The following SCD5 variants were observed in gnomAD, a reference collection of about 807,000 sequenced individuals.
SCD5 encodes the protein stearoyl-CoA desaturase 5, also known as acyl-CoA-desaturase 4.
Under a neutral mutation model 30.4 loss-of-function variants are expected in SCD5, and 20 were observed. The ratio of observed to expected loss-of-function variants is 0.66; its 90% confidence interval spans 0.46 to 0.96. The LOEUF is 0.96. Ranked by LOEUF, SCD5 falls within the 40% of genes least tolerant of loss-of-function variation. The probability of loss-of-function intolerance (pLI) is 0.00; values close to 1 mark genes in which losing one functional copy is unlikely to be tolerated. For synonymous variants in SCD5, 173 were observed against 176.4 expected (o/e 0.98, Z 0.16); for missense variants, 381 against 443.3 (o/e 0.86, Z 1.26).
intron 1 of SCD5, among the ~76,000 whole-genome samples, chr4:82,795,999 A>G (rs993618597): frequency 2.4e-4 from 36 of 151,888 alleles, no homozygotes; most frequent in Non-Finnish European, 4.3e-4. Flanking sequence ...GGCCGGGCGC[A>G]GTGGCTCACG....
At chr4:82,721,266 A>G (rs1720364768) in intron 1 of SCD5, among the ~76,000 whole-genome samples, 1 of 152,228 alleles carries the variant, frequency 6.6e-6, no homozygotes, top group African/African-American at 2.4e-5. Flanking sequence ...TTGTAACTGC[A>G]CTGCAATTCA....
rs996465 is a variant in SCD5 at position 82,643,794 on chromosome 4, C to T, written c.570-6971G>A. On this transcript the variant is annotated intron_variant, in intron 3 of 4. Transcript: ENST00000319540. ...CTCAACAATAGAAAGAGCACAGGGG[C>T]AGAAATCATTTCTCTTTCCTGCAGT... 1.3e-5 allele frequency among the ~76,000 whole-genome samples: 2 copies of T among 152,036 alleles called. 1 individual carries two copies. The highest frequency in any genetic ancestry group is 4.1e-4 in the South Asian group (2 of 4,832).
chr4:82,796,234 C>T (rs1175806604), intron 1 of SCD5, among the ~76,000 whole-genome samples: 1 of 150,686 alleles, frequency 6.6e-6, no homozygotes, highest in Non-Finnish European at 1.5e-5. Context: ...CGCACCACTG[C>T]ACTCCAGCCT....
intron 3 of SCD5, among the ~76,000 whole-genome samples, chr4:82,643,528 C>T (rs545895934): frequency 7.2e-5 from 11 of 152,106 alleles, no homozygotes; most frequent in African/African-American, 2.7e-4. Context: ...AAATTCATAG[C>T]GACAGAAAAG....
intron 3 of SCD5, among the ~76,000 whole-genome samples, chr4:82,662,900 T>C (rs1728049073): frequency 6.7e-6 from 1 of 148,776 alleles, no homozygotes; most frequent in African/African-American, 2.5e-5. Flanking sequence ...AATCCTTCAG[T>C]GTTCATGAAA....
intron 3 of SCD5, chr4:82,660,778 T>G: frequency 6.3e-7 from 1 of 1,585,342 alleles, no homozygotes; most frequent in East Asian, 2.3e-5. Flanking sequence ...GCTCTGTCTA[T>G]GCTTCACACC....
chr4:82,636,452 GAA>G (rs36060565), intron 4 of SCD5, 137 bp downstream of exon 4: 1,728 of 546,920 alleles, frequency 3.2e-3, no homozygotes, highest in East Asian at 4.6e-3. Context: ...CTCTATCTCG[GAA>G]AAAAAAAAAA....
chr4:82,786,780 G>A lies in SCD5; in HGVS notation c.232+11526C>T, dbSNP rs185453378. Among the ~76,000 whole-genome samples, 17 of 135,194 alleles carry A rather than the reference G, an allele frequency of 1.3e-4. No individual in the cohort carries two copies. The East Asian group carries it at 2.2e-3, about 18-fold the overall frequency. The allele number at this position is 135,194 out of a possible 152,430, so 88.7% of individuals were successfully genotyped here. ...GCACTCCAGCCTGGGGGACAAGAGC[G>A]AGACTTTGCCTTAAAAAAAAAAAAA... On this transcript the variant is annotated intron_variant, in intron 1 of 4. Coordinates refer to ENST00000319540, the MANE Select transcript of SCD5 (RefSeq NM_001037582.3).
chr4:82,679,713 GCTCTA>G (rs1237120760), intron 3 of SCD5, among the ~76,000 whole-genome samples: 1 of 152,112 alleles, frequency 6.6e-6, no homozygotes, highest in Admixed American at 6.5e-5. Context: ...TTCTCACTAT[GCTCTA>G]CTGCTCCCCT....
At chr4:82,758,233 T>C (rs1721272262) in intron 1 of SCD5, among the ~76,000 whole-genome samples, 1 of 152,112 alleles carries the variant, frequency 6.6e-6, no homozygotes, top group Non-Finnish European at 1.5e-5. Flanking sequence ...GAGGCCAAGA[T>C]GGGAAGATCA....
Position 82,798,715 on chromosome 4 carries a change from C to A in SCD5, c.-178G>T. 1.7e-6 allele frequency: 1 copy of A among 591,942 alleles called. No individual in the cohort carries two copies. Among genetic ancestry groups the A allele is most frequent in the Non-Finnish European group, 2.9e-6 (1 of 347,140 alleles). The allele number at this position is 591,942 out of a possible 1,614,324, so 36.7% of individuals were successfully genotyped here. On this transcript the variant is annotated 5_prime_UTR_variant, in exon 1 of 5. Transcript: ENST00000319540. ...GCTCTTCCCCAGGGTCTTAGCGTGG[C>A]CTAGGGATGCAGATCTTGGCGGCCG... is the stretch of plus-strand genomic sequence containing the variant.
chr4:82,766,038 C>T, intron 1 of SCD5, among the ~76,000 whole-genome samples: 1 of 152,218 alleles, frequency 6.6e-6, no homozygotes, highest in African/African-American at 2.4e-5. Flanking sequence ...CTCTTTATCA[C>T]TGGCTTTAAG....
At chr4:82,668,801 G>T (rs1728244946) in intron 3 of SCD5, among the ~76,000 whole-genome samples, 1 of 152,140 alleles carries the variant, frequency 6.6e-6, no homozygotes, top group Non-Finnish European at 1.5e-5. Flanking sequence ...GGCAGAGCAT[G>T]GTTGTACTTA....
intron 3 of SCD5, chr4:82,659,819 A>G (rs1273048140): frequency 1.3e-5 from 2 of 152,120 alleles, no homozygotes; most frequent in Non-Finnish European, 2.9e-5. Flanking sequence ...TTTCACACAT[A>G]ACAATATTCA....
intron 1 of SCD5, among the ~76,000 whole-genome samples, chr4:82,768,834 G>T (rs1040314122): frequency 3.3e-5 from 5 of 152,092 alleles, no homozygotes; most frequent in African/African-American, 1.2e-4. Context: ...TGAAAGAAGA[G>T]GTGCAGGCAG....
chr4:82,631,927 G>A (rs2148810656), intron 4 of SCD5, among the ~76,000 whole-genome samples: 1 of 152,142 alleles, frequency 6.6e-6, no homozygotes, highest in South Asian at 2.1e-4. Context: ...ATTCAAATAG[G>A]TAAGTAAATT....
chr4:82,752,092 A>C (rs913632721), intron 1 of SCD5, among the ~76,000 whole-genome samples: 1 of 152,176 alleles, frequency 6.6e-6, no homozygotes, highest in Non-Finnish European at 1.5e-5. Context: ...AGAAATCCCC[A>C]TAAGTCTGTG....
intron 1 of SCD5, among the ~76,000 whole-genome samples, chr4:82,712,406 C>T (rs1288426564): frequency 6.8e-6 from 1 of 147,318 alleles, no homozygotes; most frequent in African/African-American, 2.5e-5. Context: ...CAACCTCTGC[C>T]TCCCGGGTTC....
intron 1 of SCD5, among the ~76,000 whole-genome samples, chr4:82,788,037 A>ACAAT (rs772060214): frequency 2.6e-5 from 4 of 152,118 alleles, no homozygotes; most frequent in Non-Finnish European, 4.4e-5. Context: ...ACCCTGTCAG[A>ACAAT]CAATCAATCA....
Sources: allele counts gnomAD v4.1 joint callset (sites outside exome capture counted in the v4.1 genomes callset), GRCh38; gene constraint gnomAD v4.1.1; transcripts MANE v1.5; gene names NCBI Gene and HGNC (gene_info 2026-07-23, HGNC 2026-07-21).